USP9X: variants seen among roughly 807,000 people sequenced by gnomAD.
USP9X encodes the protein ubiquitin carboxyl-terminal hydrolase 9X.
Under a neutral mutation model 190.3 loss-of-function variants are expected in USP9X, and 7 were observed. That is an observed-to-expected ratio of 0.04 (90% CI 0.02 to 0.07). The LOEUF (loss-of-function observed/expected upper bound fraction) is 0.07, where lower values mean the gene tolerates loss of function less well. Among genes scored for constraint, USP9X ranks in the 10% least tolerant of loss-of-function variants. The pLI is 1.00. For synonymous variants in USP9X, 645 were observed against 659.5 expected, an observed-to-expected ratio of 0.98 and a Z score of 0.34; for missense variants, 1,010 against 1,916.9, an observed-to-expected ratio of 0.53 and a Z score of 8.83.
chrX:41,216,820 A>T (rs925258874), intron 35 of USP9X, among the ~76,000 whole-genome samples, 168 bp downstream of exon 35: 4 of 111,276 alleles, frequency 3.6e-5, no homozygotes, highest in Non-Finnish European at 5.7e-5. Context: ...AGGTAGGTGG[A>T]TCACCTGAGG....
intron 26 of USP9X, among the ~76,000 whole-genome samples, chrX:41,195,686 A>T (rs894024268): frequency 8.9e-6 from 1 of 111,830 alleles, no homozygotes; most frequent in Non-Finnish European, 1.9e-5. Context: ...CACATAAGCT[A>T]GAACCCTTGC....
At chrX:41,100,812 A>G (rs1040858797) in intron 1 of USP9X, among the ~76,000 whole-genome samples, 1 of 109,940 alleles carries the variant, frequency 9.1e-6, no homozygotes, top group African/African-American at 3.3e-5. Context: ...ACGCCCAGCT[A>G]ATTTTTGTAT....
intron 22 of USP9X, 68 bp from the exon 23 acceptor site, chrX:41,184,329 C>T (rs2062854064): frequency 9.0e-7 from 1 of 1,115,153 alleles, no homozygotes; most frequent in Non-Finnish European, 1.2e-6. Context: ...GACAATAGTA[C>T]AAATAGAAGT....
rs771371578 is a variant in USP9X, at chrX:41,217,329, C to A, written c.6195C>A (p.Gly2065=). The A allele has an allele frequency of 9.1e-6, 11 of 1,208,517 alleles. No homozygotes were observed. The Admixed American group carries it at 2.2e-4, about 24-fold the overall frequency. The change falls in exon 36 of 45, where the codon GGC becomes GGA. Residue 2065 remains glycine (G), a synonymous_variant. Coordinates refer to ENST00000378308, the MANE Select transcript of USP9X (RefSeq NM_001039591.3). ...TGFHTKKVVR[G]SASDWYDALC... ...TTCACACAAAGAAAGTAGTCCGTGG[C>A]TCTGCCAGTGATTGGTACATTGCTT...
chrX:41,205,570 G>A, intron 32 of USP9X, 77 bp downstream of exon 32: 3 of 925,441 alleles, frequency 3.2e-6, no homozygotes, highest in Non-Finnish European at 4.3e-6. Context: ...ACCTCTAAAA[G>A]ACATGTTGGA....
At chrX:41,160,777 A>C (rs1282971417) in intron 14 of USP9X, among the ~76,000 whole-genome samples, 1 of 112,346 alleles carries the variant, frequency 8.9e-6, no homozygotes, top group Non-Finnish European at 1.9e-5. Flanking sequence ...GTCAAAGAAC[A>C]CAAAGGATGA....
chrX:41,093,327 A>G (rs1181172355), intron 1 of USP9X, among the ~76,000 whole-genome samples: 3 of 112,428 alleles, frequency 2.7e-5, no homozygotes, highest in African/African-American at 9.7e-5. Context: ...TTTGTACGGC[A>G]GTATCTTGTG....
chrX:41,125,684 A>ACACACACACTCTCTCTCT, intron 2 of USP9X, among the ~76,000 whole-genome samples: 34 of 19,007 alleles, frequency 1.8e-3, no homozygotes, highest in Admixed American at 3.1e-3. Context: ...ACACACACAC[A>ACACACACACTCTCTCTCT]CTCTCTCTCT....
At chrX:41,147,832 C>T (rs1316238980) in intron 11 of USP9X, among the ~76,000 whole-genome samples, 2 of 112,084 alleles carry the variant, frequency 1.8e-5, no homozygotes, top group Non-Finnish European at 3.8e-5. Context: ...CAACTTAGTG[C>T]ATTTGCTGCT....
chrX:41,164,860 G>A (rs2062665399), intron 15 of USP9X, among the ~76,000 whole-genome samples: 1 of 111,761 alleles, frequency 8.9e-6, no homozygotes, highest in Admixed American at 9.5e-5. Flanking sequence ...GAGCTTTAGG[G>A]CTTCTGAGTT....
intron 32 of USP9X, among the ~76,000 whole-genome samples, chrX:41,205,887 CTTTTTTTCTTTTTTTTTTTT>C (rs2063089176): frequency 1.1e-5 from 1 of 87,161 alleles, no homozygotes; most frequent in Non-Finnish European, 2.4e-5. Context: ...TTTTCTTTTT[CTTTTTTTCTTTTTTTTTTTT>C]GAGATGGAGT....
At chrX:41,198,484 A>T in intron 29 of USP9X, 44 bp from the exon 30 acceptor site, 1 of 1,025,470 alleles carries the variant, frequency 9.8e-7, no homozygotes, top group Admixed American at 2.9e-5. Flanking sequence ...TTTTCTAAAA[A>T]TATATAGCAT....
intron 1 of USP9X, among the ~76,000 whole-genome samples, chrX:41,107,859 T>A (rs2062081682): frequency 8.9e-6 from 1 of 112,289 alleles, no homozygotes; most frequent in Non-Finnish European, 1.9e-5. Context: ...TGTTAAATTC[T>A]GTTAGTCTCT....
At chrX:41,091,703 C>A (rs754951161) in intron 1 of USP9X, among the ~76,000 whole-genome samples, 1 of 111,897 alleles carries the variant, frequency 8.9e-6, no homozygotes, top group African/African-American at 3.2e-5. Context: ...GATCTCAATT[C>A]TTTCTAGTCA....
chrX:41,158,182 T>C (rs1232701590), intron 14 of USP9X, among the ~76,000 whole-genome samples: 1 of 110,923 alleles, frequency 9.0e-6, no homozygotes, highest in African/African-American at 3.3e-5. Context: ...ACCAGATGAA[T>C]GAGAGTGACA....
chrX:41,129,251 A>G (rs1320540112), intron 3 of USP9X, 106 bp downstream of exon 3: 18 of 770,780 alleles, frequency 2.3e-5, no homozygotes, highest in Non-Finnish European at 2.7e-5. Flanking sequence ...TTTATAACCC[A>G]TGATTCTTAA....
intron 1 of USP9X, among the ~76,000 whole-genome samples, chrX:41,115,479 A>AGATAATTTCCATGTTTGAGCTTAAG (rs2062142201): frequency 2.7e-5 from 3 of 112,156 alleles, no homozygotes; most frequent in Non-Finnish European, 5.6e-5. Context: ...TTCCAAGTCA[A>AGATAATTTCCATGTTTGAGCTTAAG]GATAATTTCC....
At chrX:41,196,883 G>A (rs2147190257) in intron 28 of USP9X, 145 bp downstream of exon 28, 1 of 455,886 alleles carries the variant, frequency 2.2e-6, no homozygotes, top group Non-Finnish European at 3.5e-6. Flanking sequence ...CTGCATCAGT[G>A]GACGTTAGTA....
At chrX:41,174,376 G>A (rs2062755206) in intron 21 of USP9X, among the ~76,000 whole-genome samples, 1 of 111,492 alleles carries the variant, frequency 9.0e-6, no homozygotes, top group Admixed American at 9.5e-5. Flanking sequence ...GGATACCGGG[G>A]AATAACTGTA....
Sources: allele counts gnomAD v4.1 joint callset (sites outside exome capture counted in the v4.1 genomes callset), GRCh38; gene constraint gnomAD v4.1.1; transcripts MANE v1.5; gene names NCBI Gene and HGNC (gene_info 2026-07-23, HGNC 2026-07-21).